NEURL1B: variants seen among roughly 807,000 people sequenced by gnomAD.
NEURL1B encodes neuralized E3 ubiquitin protein ligase 1B, also known as E3 ubiquitin-protein ligase NEURL1B.
In NEURL1B, 13 loss-of-function variants were observed where a neutral mutation model predicts 37.4. The observed-to-expected ratio is 0.35, with a 90% CI of 0.23 to 0.55. NEURL1B has a LOEUF of 0.55. Among genes scored for constraint, NEURL1B ranks in the 20% least tolerant of loss-of-function variants. The pLI is 0.89. For synonymous variants in NEURL1B, 432 were observed against 426.6 expected, an observed-to-expected ratio of 1.01 and a Z score of -0.16; for missense variants, 790 against 879.2, an observed-to-expected ratio of 0.90 and a Z score of 1.28.
At position 172,686,646 on chromosome 5, in the gene NEURL1B, A is replaced by G. The variant is rs1328233325; in HGVS notation, c.1424-35A>G. 1.3e-6 allele frequency: 2 copies of G among 1,530,802 alleles called. No homozygotes were observed. The highest frequency in any genetic ancestry group is 1.8e-6 in the Non-Finnish European group (2 of 1,130,664). 94.8% of individuals were successfully genotyped at this position (1,530,802 alleles called of 1,614,324 possible). A position where few individuals can be genotyped will look rare whatever the true frequency, so the allele number is the denominator to read the frequency against. ...CCAACAGAGCCCACCTGAGAGAGAC[A>G]TTGTTAACATATGTCCTCTTCTCCC... On this transcript the variant is annotated intron_variant, in intron 4 of 4. Transcript: ENST00000369800. The surrounding 1 kb of genome is among the most constrained non-coding windows in gnomAD (Gnocchi z 7.9).
At chr5:172,677,630 C>G (rs1332308395) in intron 2 of NEURL1B, among the ~76,000 whole-genome samples, 1 of 152,214 alleles carries the variant, frequency 6.6e-6, no homozygotes, top group East Asian at 1.9e-4. Flanking sequence ...ATCTTTTTTC[C>G]TAGAACCTCA....
rs1373124073 is a variant in NEURL1B, at chr5:172,686,227, C to T, written c.1354C>T (p.Gln452Ter). Residue 452 changes from glutamine to a stop codon, truncating the protein, a stop_gained, in exon 4 of 5, where the codon CAG (glutamine) becomes TAG (stop). Coordinates refer to ENST00000369800, the MANE Select transcript of NEURL1B (RefSeq NM_001142651.3). LOFTEE classifies it high-confidence loss of function. This position sits in a 1 kb window ranked among gnomAD's most constrained non-coding sequence, Gnocchi z 7.9. ...TTPSGSLSGS[Q>*]DDSDSDMTFS... ...TCCATCAGGGTCCCTCAGCGGCTCC[C>T]AGGACGATAGTGATTCAGATATGAC... 1.9e-6 allele frequency: 3 copies of T among 1,551,684 alleles called. No individual in the cohort carries two copies. Among genetic ancestry groups the T allele is most frequent in the Non-Finnish European group, 2.6e-6 (3 of 1,146,986 alleles).
chr5:172,673,778 A>G, intron 2 of NEURL1B, among the ~76,000 whole-genome samples: 1 of 149,486 alleles, frequency 6.7e-6, no homozygotes, highest in South Asian at 2.1e-4. Flanking sequence ...ATTTTAGTAC[A>G]AGCGTATCCC....
Position 172,683,756 on chromosome 5 carries a change from C to T in NEURL1B, c.915C>T (p.Asp305=), listed in dbSNP as rs1758417220. 1 of 1,312,866 alleles carries T rather than the reference C, an allele frequency of 7.6e-7. No homozygotes were observed. The allele number at this position is 1,312,866 out of a possible 1,614,324, so 81.3% of individuals were successfully genotyped here. Residue 305 remains aspartate, a synonymous_variant, in exon 3 of 5, where the codon GAC becomes GAT. Transcript: ENST00000369800. The surrounding 1 kb of genome is among the most constrained non-coding windows in gnomAD (Gnocchi z 5.6). ...DRKVACAPRP[D]GGRTLVFSER... is the part of the protein sequence containing the mutation. ...AAGTGGCCTGCGCACCGCGGCCCGA[C>T]GGCGGCCGCACGCTGGTCTTCTCCG...
chr5:172,684,315 G>C (rs976791030), intron 3 of NEURL1B, among the ~76,000 whole-genome samples, 177 bp downstream of exon 3: 16 of 152,066 alleles, frequency 1.1e-4, no homozygotes, highest in African/African-American at 3.9e-4. Context: ...AAAATTGCCG[G>C]ACTCCACCCC....
chr5:172,673,029 T>C (rs1291071031), intron 2 of NEURL1B, among the ~76,000 whole-genome samples: 1 of 152,216 alleles, frequency 6.6e-6, no homozygotes, highest in Non-Finnish European at 1.5e-5. Context: ...TCAATGAATG[T>C]TTATTTTCTT....
At chr5:172,643,968 G>A (rs937728001) in intron 1 of NEURL1B, among the ~76,000 whole-genome samples, 2 of 151,720 alleles carry the variant, frequency 1.3e-5, no homozygotes, top group African/African-American at 4.8e-5. Flanking sequence ...GCTTCCTTGG[G>A]GTCTCTGCTT....
Position 172,683,369 on chromosome 5 carries a change from G to A in NEURL1B, c.578-50G>A, listed in dbSNP as rs906922436. ...GCGGGCGAGGAGGGGCTCGCGACCAGCCTGACGCGCGGCCTCTCCCCCTCC... is the reference window on the plus strand; with the variant it reads ...GCGGGCGAGGAGGGGCTCGCGACCAACCTGACGCGCGGCCTCTCCCCCTCC... On this transcript the variant is annotated intron_variant, in intron 2 of 4. Transcript: ENST00000369800. The surrounding 1 kb of genome is among the most constrained non-coding windows in gnomAD (Gnocchi z 5.6). The A allele has an allele frequency of 3.9e-6, 5 of 1,274,156 alleles. No homozygotes were observed. The highest frequency in any genetic ancestry group is 1.5e-5 in the African/African-American group (1 of 64,668). The allele number at this position is 1,274,156 out of a possible 1,614,324, so 78.9% of individuals were successfully genotyped here.
At chr5:172,666,855 G>A (rs1210893223) in intron 1 of NEURL1B, among the ~76,000 whole-genome samples, 1 of 152,100 alleles carries the variant, frequency 6.6e-6, no homozygotes, top group Non-Finnish European at 1.5e-5. Context: ...CCAAGAAAGG[G>A]TTTTCTGCCC....
intron 1 of NEURL1B, chr5:172,662,020 C>T (rs1262110683): frequency 6.6e-6 from 1 of 152,238 alleles, no homozygotes; most frequent in Non-Finnish European, 1.5e-5. Context: ...AAAAATGTTT[C>T]AGAACGTATT....
chr5:172,668,833 C>T (rs1758064743), intron 1 of NEURL1B, among the ~76,000 whole-genome samples: 1 of 152,182 alleles, frequency 6.6e-6, no homozygotes, highest in Non-Finnish European at 1.5e-5. Context: ...AGGAAGACTC[C>T]CACTTGATAT....
chr5:172,659,272 AT>A (rs1239913438), intron 1 of NEURL1B, among the ~76,000 whole-genome samples: 1 of 152,100 alleles, frequency 6.6e-6, no homozygotes, highest in African/African-American at 2.4e-5. Flanking sequence ...CAGTGGGTCT[AT>A]TGTGCCAAAA....
At chr5:172,655,153 G>T (rs552981288) in intron 1 of NEURL1B, among the ~76,000 whole-genome samples, 2 of 152,122 alleles carry the variant, frequency 1.3e-5, no homozygotes, top group Non-Finnish European at 2.9e-5. Context: ...AGAAAGTGGG[G>T]GGGTTGTGTG....
chr5:172,654,728 G>T (rs1020646744), intron 1 of NEURL1B, among the ~76,000 whole-genome samples: 3 of 152,138 alleles, frequency 2.0e-5, no homozygotes, highest in Non-Finnish European at 2.9e-5. Flanking sequence ...AGGGTACTGG[G>T]TTAGGGATTT....
chr5:172,684,584 A>G (rs375709803), intron 3 of NEURL1B, among the ~76,000 whole-genome samples: 19 of 151,804 alleles, frequency 1.3e-4, no homozygotes, highest in African/African-American at 4.6e-4. Flanking sequence ...GAAAAAATAA[A>G]TTCGACTGCA....
At chr5:172,648,996 G>A (rs557623167) in intron 1 of NEURL1B, among the ~76,000 whole-genome samples, 21 of 152,340 alleles carry the variant, frequency 1.4e-4, no homozygotes, top group African/African-American at 4.8e-4. Flanking sequence ...CATAGTCTGC[G>A]GGGGCTGTGG....
rs978914241 is a variant in NEURL1B, at chr5:172,647,606, C to G, written c.31+6169C>G. Among the ~76,000 whole-genome samples the G allele has an allele frequency of 1.3e-5, 2 of 152,080 alleles. No homozygotes were observed. Among genetic ancestry groups the G allele is most frequent in the African/African-American group, 4.8e-5 (2 of 41,382 alleles). ...CTGCCCCTTGTCCTCGTCCTGAGCACCTGAGCCCCACCCTTATTGCAGGTG... is the reference window on the plus strand; with the variant it reads ...CTGCCCCTTGTCCTCGTCCTGAGCAGCTGAGCCCCACCCTTATTGCAGGTG... On this transcript the variant is annotated intron_variant, in intron 1 of 4. Transcript: ENST00000369800. This position sits in a 1 kb window ranked among gnomAD's most constrained non-coding sequence, Gnocchi z 4.2.
chr5:172,667,388 G>C lies in NEURL1B; in HGVS notation c.32-2397G>C, dbSNP rs535380409. On this transcript the variant is annotated intron_variant, in intron 1 of 4. Coordinates refer to ENST00000369800, the MANE Select transcript of NEURL1B (RefSeq NM_001142651.3). ...TTAAACCCAAGAGGTGGAGGTTGCA[G>C]TGAGCTGAGATCATGCCATTGCACT... Among the ~76,000 whole-genome samples the C allele has an allele frequency of 5.0e-3, 752 of 151,342 alleles. 6 individuals are homozygous for C. The highest frequency in any genetic ancestry group is 0.017 in the African/African-American group (687 of 41,132).
In NEURL1B at chr5:172,676,923, C is replaced by T. The variant is rs180684545; in HGVS notation, c.578-6496C>T. Among the ~76,000 whole-genome samples the T allele has an allele frequency of 6.6e-6, 1 of 152,290 alleles. No homozygotes were observed. The highest frequency in any genetic ancestry group is 2.4e-5 in the African/African-American group (1 of 41,546). The stretch of plus-strand genomic sequence containing the variant: ...TTATAAACAAAGTGTGTGATAAAGA[C>T]CTGAACTTATGGAGTTAAATGCAGG... On this transcript the variant is annotated intron_variant, in intron 2 of 4. Coordinates refer to ENST00000369800, the MANE Select transcript of NEURL1B (RefSeq NM_001142651.3). This position sits in a 1 kb window ranked among gnomAD's most constrained non-coding sequence, Gnocchi z 4.5.
Sources: gnomAD v4.1 joint callset for allele counts (sites outside exome capture counted in the v4.1 genomes callset) on GRCh38, gnomAD v4.1.1 for gene constraint, Gnocchi (gnomAD v3.1) non-coding constraint, MANE v1.5 for transcripts, NCBI Gene and HGNC (gene_info 2026-07-23, HGNC 2026-07-21) for gene names.